Variants in PLD5 observed in about 807,000 individuals in gnomAD.
PLD5 encodes the protein phospholipase D family member 5.
A neutral mutation model predicts 61.1 loss-of-function variants in PLD5; 36 were observed. That is an observed-to-expected ratio of 0.59 (90% confidence interval 0.45 to 0.78). PLD5 has a LOEUF of 0.78. Among genes scored for constraint, PLD5 ranks in the 30% least tolerant of loss-of-function variants. The pLI, the probability that PLD5 is intolerant of heterozygous loss-of-function variation, is 0.00. For missense variants in PLD5, 515 were observed against 644.4 expected (o/e 0.80, Z 2.17); for synonymous variants, 243 against 242.8 (o/e 1.00, Z -0.01).
intron 5 of PLD5, among the ~76,000 whole-genome samples, chr1:242,166,242 G>A (rs1021288886): frequency 2.6e-5 from 4 of 152,216 alleles, no homozygotes; most frequent in Non-Finnish European, 5.9e-5. Context: ...GCATAAACAA[G>A]CTCCCTATAT....
intron 1 of PLD5, among the ~76,000 whole-genome samples, chr1:242,417,214 A>T (rs1267004162): frequency 1.3e-5 from 2 of 152,156 alleles, no homozygotes; most frequent in African/African-American, 4.8e-5. Flanking sequence ...ACAAGCTATA[A>T]AGAGGTAGGA....
chr1:242,259,276 T>C (rs1184438487), intron 4 of PLD5, among the ~76,000 whole-genome samples: 1 of 148,206 alleles, frequency 6.7e-6, no homozygotes, highest in African/African-American at 2.5e-5. Flanking sequence ...GCCAGTGTAC[T>C]ACAGCCTGGG....
chr1:242,174,867 G>A (rs973907518), intron 5 of PLD5, among the ~76,000 whole-genome samples: 28 of 152,236 alleles, frequency 1.8e-4, no homozygotes, highest in Non-Finnish European at 3.7e-4. Flanking sequence ...CCTGGACATA[G>A]GAAGGGGAAC....
intron 2 of PLD5, among the ~76,000 whole-genome samples, chr1:242,340,893 T>C (rs1057280997): frequency 1.3e-5 from 2 of 152,104 alleles, no homozygotes; most frequent in African/African-American, 2.4e-5. Context: ...TTTAGTACCA[T>C]ACAATTGTTC....
chr1:242,124,239 T>A (rs1662605827), intron 6 of PLD5, among the ~76,000 whole-genome samples: 1 of 152,126 alleles, frequency 6.6e-6, no homozygotes, highest in African/African-American at 2.4e-5. Flanking sequence ...ATTGAGGGAA[T>A]CAAATCAGAT....
intron 5 of PLD5, among the ~76,000 whole-genome samples, chr1:242,165,756 G>A (rs1400786757): frequency 1.3e-5 from 2 of 152,114 alleles, no homozygotes; most frequent in African/African-American, 2.4e-5. Flanking sequence ...CACCCAAATG[G>A]CTCATGCTGG....
At chr1:242,341,264 A>C (rs1431974597) in intron 2 of PLD5, among the ~76,000 whole-genome samples, 1 of 151,228 alleles carries the variant, frequency 6.6e-6, no homozygotes, top group Non-Finnish European at 1.5e-5. Context: ...GACCACTCTA[A>C]GGTCATGATA....
At chr1:242,350,434 T>TACACACAC (rs57955584) in intron 1 of PLD5, among the ~76,000 whole-genome samples, 76 of 145,420 alleles carry the variant, frequency 5.2e-4, no homozygotes, top group African/African-American at 1.9e-3. Flanking sequence ...TATACACACG[T>TACACACAC]ACACACACAC....
chr1:242,140,190 C>A (rs925467028), intron 5 of PLD5, among the ~76,000 whole-genome samples: 2 of 152,310 alleles, frequency 1.3e-5, no homozygotes, highest in African/African-American at 2.4e-5. Flanking sequence ...GCAGCAAGAT[C>A]TTCAAACAAT....
chr1:242,295,373 G>A (rs1234742770), intron 2 of PLD5, among the ~76,000 whole-genome samples: 1 of 152,176 alleles, frequency 6.6e-6, no homozygotes, highest in Non-Finnish European at 1.5e-5. Context: ...GCTCTCACGT[G>A]TAAGTGAGAA....
chr1:242,137,225 T>C (rs1472610114), intron 5 of PLD5, among the ~76,000 whole-genome samples: 1 of 152,190 alleles, frequency 6.6e-6, no homozygotes, highest in Non-Finnish European at 1.5e-5. Flanking sequence ...ACTGTAACTT[T>C]GGCATTATCA....
At chr1:242,207,993 C>T (rs1198706746) in intron 5 of PLD5, among the ~76,000 whole-genome samples, 3 of 100,532 alleles carry the variant, frequency 3.0e-5, no homozygotes, top group African/African-American at 1.4e-4. Context: ...TATATTTATA[C>T]ACACACACAC....
rs566770881 is a variant in PLD5, at chr1:242,373,585, C to T, written c.190-25343G>A. On this transcript the variant is annotated intron_variant, in intron 1 of 9. Coordinates refer to ENST00000536534, the MANE Select transcript of PLD5 (RefSeq NM_001372062.1). ...TCAATGATAGACTGGATTAAGAAAACGTGGCACATATACACCATGGAATAC... is the reference window on the plus strand; with the variant it reads ...TCAATGATAGACTGGATTAAGAAAATGTGGCACATATACACCATGGAATAC... 7.0e-4 allele frequency among the ~76,000 whole-genome samples: 107 copies of T among 152,114 alleles called. 1 individual carries two copies. The highest frequency in any genetic ancestry group is 5.9e-3 in the Admixed American group (90 of 15,276).
chr1:242,305,013 G>C (rs1221412509), intron 2 of PLD5, among the ~76,000 whole-genome samples: 1 of 152,170 alleles, frequency 6.6e-6, no homozygotes, highest in Non-Finnish European at 1.5e-5. Flanking sequence ...GGCAGAGGTA[G>C]GAGGATCATT....
intron 1 of PLD5, among the ~76,000 whole-genome samples, chr1:242,521,270 T>G (rs1004969525): frequency 1.3e-5 from 2 of 152,230 alleles, no homozygotes; most frequent in African/African-American, 4.8e-5. Flanking sequence ...AATCCTCAAC[T>G]AATTCAGGTC....
At chr1:242,168,846 G>GTTTTTGT (rs1666519562) in intron 5 of PLD5, among the ~76,000 whole-genome samples, 2 of 111,266 alleles carry the variant, frequency 1.8e-5, no homozygotes, top group Non-Finnish European at 3.3e-5. Flanking sequence ...AATTAATGAA[G>GTTTTTGT]TTTTTTTTTT....
chr1:242,421,458 T>C (rs985246236), intron 1 of PLD5, among the ~76,000 whole-genome samples: 5 of 152,164 alleles, frequency 3.3e-5, no homozygotes, highest in African/African-American at 1.2e-4. Context: ...CTGAACCTTG[T>C]AATCACAACA....
intron 2 of PLD5, among the ~76,000 whole-genome samples, chr1:242,323,387 G>A (rs1003557581): frequency 6.6e-6 from 1 of 151,858 alleles, no homozygotes; most frequent in African/African-American, 2.4e-5. Context: ...TTCCAAAGTT[G>A]ACACCTGATA....
intron 7 of PLD5, among the ~76,000 whole-genome samples, chr1:242,109,267 C>T (rs1263535213): frequency 6.6e-6 from 1 of 152,196 alleles, no homozygotes; most frequent in East Asian, 1.9e-4. Flanking sequence ...CACTTGAGGT[C>T]GGGAGTTTGA....
Sources: gnomAD v4.1 joint callset for allele counts (sites outside exome capture counted in the v4.1 genomes callset) on GRCh38, gnomAD v4.1.1 for gene constraint, MANE v1.5 for transcripts, NCBI Gene and HGNC (gene_info 2026-07-23, HGNC 2026-07-21) for gene names.